The following RUNX2 variants were observed in gnomAD, a reference collection of about 807,000 sequenced individuals.
The protein encoded by RUNX2 is RUNX family transcription factor 2, also known as runt-related transcription factor 2.
Under a neutral mutation model 51.7 loss-of-function variants are expected in RUNX2, and 10 were observed. The ratio of observed to expected loss-of-function variants is 0.19; its 90% CI spans 0.12 to 0.33. The LOEUF (loss-of-function observed/expected upper bound fraction) is 0.33. RUNX2 is among the 10% of genes least tolerant of loss of function. The pLI, the probability that RUNX2 is intolerant of heterozygous loss-of-function variation, is 1.00. For synonymous variants in RUNX2, 276 were observed against 273.6 expected (o/e 1.01, Z -0.09); for missense variants, 562 against 691.3 (o/e 0.81, Z 2.10).
chr6:45,346,110 A>G (rs578128518), intron 2 of RUNX2, among the ~76,000 whole-genome samples: 2 of 152,106 alleles, frequency 1.3e-5, no homozygotes, highest in Non-Finnish European at 2.9e-5. Flanking sequence ...ATCCACCTCC[A>G]TATTCCTATA....
At chr6:45,480,940 G>T (rs1430033033) in intron 5 of RUNX2, among the ~76,000 whole-genome samples, 1 of 152,110 alleles carries the variant, frequency 6.6e-6, no homozygotes, top group Non-Finnish European at 1.5e-5. Flanking sequence ...TTTTTCTTTG[G>T]TTATTACTTT....
chr6:45,507,313 T>C (rs190563080), intron 6 of RUNX2, among the ~76,000 whole-genome samples: 68 of 152,326 alleles, frequency 4.5e-4, no homozygotes, highest in Non-Finnish European at 7.9e-4. Flanking sequence ...GTCTCAGAGC[T>C]AGGCCTTGTA....
intron 2 of RUNX2, among the ~76,000 whole-genome samples, chr6:45,376,399 A>G (rs1369884068): frequency 1.6e-4 from 24 of 152,208 alleles, no homozygotes; most frequent in Admixed American, 1.6e-3. Flanking sequence ...AGCTACCACT[A>G]GCCACATGTG....
chr6:45,420,292 G>T (rs1380047352), intron 2 of RUNX2, among the ~76,000 whole-genome samples: 1 of 152,132 alleles, frequency 6.6e-6, no homozygotes, highest in Non-Finnish European at 1.5e-5. Flanking sequence ...CCCATCTTCC[G>T]TGCCCCTCAT....
At position 45,537,828 on chromosome 6, in the gene RUNX2, G is replaced by A. The variant is rs184238448; in HGVS notation, c.1022-7389G>A. Reference sequence around the variant, plus strand: ...GCTGCGCAGATTTTTCCACGGGAGCGCCTCAAAGGGCAGAGGAAACTCAAG... The same window carrying A: ...GCTGCGCAGATTTTTCCACGGGAGCACCTCAAAGGGCAGAGGAAACTCAAG... On this transcript the variant is annotated intron_variant, in intron 7 of 8. Transcript: ENST00000647337. Among the ~76,000 whole-genome samples the A allele has an allele frequency of 4.1e-3, 629 of 152,192 alleles. 2 individuals are homozygous for A. Among genetic ancestry groups the A allele is most frequent in the Non-Finnish European group, 6.1e-3 (416 of 68,002 alleles).
chr6:45,536,074 C>T (rs1309906150), intron 7 of RUNX2, among the ~76,000 whole-genome samples: 2 of 151,608 alleles, frequency 1.3e-5, no homozygotes, highest in Non-Finnish European at 1.5e-5. Context: ...TCCCGAGGAA[C>T]CAGAAAGTCA....
chr6:45,522,472 C>T (rs1801536427), intron 7 of RUNX2, among the ~76,000 whole-genome samples: 1 of 152,060 alleles, frequency 6.6e-6, no homozygotes, highest in Admixed American at 6.6e-5. Flanking sequence ...TCAGATTATA[C>T]TTTCACTCCG....
intron 5 of RUNX2, among the ~76,000 whole-genome samples, chr6:45,487,473 A>G (rs569550724): frequency 6.6e-6 from 1 of 152,348 alleles, no homozygotes; most frequent in East Asian, 1.9e-4. Context: ...AATTACAGTG[A>G]AAGTGAATAG....
chr6:45,513,829 C>A (rs970529448), intron 7 of RUNX2, among the ~76,000 whole-genome samples: 1 of 152,140 alleles, frequency 6.6e-6, no homozygotes, highest in Non-Finnish European at 1.5e-5. Flanking sequence ...ATCACCGTCG[C>A]CTTCAGGCAA....
intron 7 of RUNX2, among the ~76,000 whole-genome samples, chr6:45,542,508 G>A (rs898825552): frequency 1.3e-5 from 2 of 152,152 alleles, no homozygotes; most frequent in African/African-American, 4.8e-5. Flanking sequence ...AAGCCAGCAG[G>A]TCCTAAGGGG....
At chr6:45,469,455 A>C (rs1050921949) in intron 5 of RUNX2, among the ~76,000 whole-genome samples, 10 of 152,254 alleles carry the variant, frequency 6.6e-5, no homozygotes, top group African/African-American at 2.4e-4. Context: ...AATATCAGAA[A>C]AGCACATAGC....
At chr6:45,409,302 A>G (rs1797902382) in intron 2 of RUNX2, among the ~76,000 whole-genome samples, 2 of 152,156 alleles carry the variant, frequency 1.3e-5, no homozygotes, top group Non-Finnish European at 2.9e-5. Flanking sequence ...AGACTGAAAG[A>G]TGGGAAGTAC....
rs1170546653 is a variant in RUNX2 at position 45,547,383 on chromosome 6, CATAT to C, written c.*83_*86del. Reference sequence around the variant, plus strand: ...AATATATACATATATAGAGAGAGTGCATATATATGTATATCGATTAGCTATCTAC... The same window carrying C: ...AATATATACATATATAGAGAGAGTGCATATGTATATCGATTAGCTATCTAC... On this transcript the variant is annotated 3_prime_UTR_variant, in exon 9 of 9. Transcript: ENST00000647337. 34 of 1,136,042 alleles carry C rather than the reference CATAT, an allele frequency of 3.0e-5. No individual in the cohort carries two copies. The highest frequency in any genetic ancestry group is 4.4e-5 in the Non-Finnish European group (33 of 751,366). 70.4% of individuals were successfully genotyped at this position (1,136,042 alleles called of 1,614,324 possible).
At chr6:45,524,185 C>A (rs1232097305) in intron 7 of RUNX2, among the ~76,000 whole-genome samples, 1 of 152,114 alleles carries the variant, frequency 6.6e-6, no homozygotes, top group Non-Finnish European at 1.5e-5. Flanking sequence ...TGGTCTGAGG[C>A]AAATCTAGGA....
In RUNX2 at chr6:45,550,458, C is replaced by T. The variant is rs1250498032; in HGVS notation, c.*3153C>T. 6.6e-6 allele frequency: 1 copy of T among 152,274 alleles called. No homozygotes were observed. The highest frequency in any genetic ancestry group is 2.4e-5 in the African/African-American group (1 of 41,432). 9.4% of individuals were successfully genotyped at this position (152,274 alleles called of 1,614,324 possible). A position where few individuals can be genotyped will look rare whatever the true frequency, so the allele number is the denominator to read the frequency against. On this transcript the variant is annotated 3_prime_UTR_variant, in exon 9 of 9. Transcript: ENST00000647337. ...GTGTGTACAGCTTTAAGGATTCCCT[C>T]AATTCCGAGGAAAGGGACTGGCCCA... is the stretch of plus-strand genomic sequence containing the variant.
At chr6:45,328,877 C>A in intron 2 of RUNX2, 93 bp downstream of exon 2, 1 of 1,292,578 alleles carries the variant, frequency 7.7e-7, no homozygotes, top group Non-Finnish European at 1.1e-6. Flanking sequence ...TTCCAAATAG[C>A]ATATTAAAGA....
At chr6:45,457,840 G>C (rs1262995765) in intron 5 of RUNX2, among the ~76,000 whole-genome samples, 1 of 152,096 alleles carries the variant, frequency 6.6e-6, no homozygotes, top group Admixed American at 6.5e-5. Flanking sequence ...AAAACATAGA[G>C]GCCCAGTCAG....
chr6:45,514,783 G>A (rs1801268027), intron 7 of RUNX2, among the ~76,000 whole-genome samples: 1 of 152,120 alleles, frequency 6.6e-6, no homozygotes, highest in Admixed American at 6.5e-5. Flanking sequence ...AGTCCTGGGA[G>A]CCTTCTTGGG....
rs1582233358 is a variant in RUNX2 at position 45,547,610 on chromosome 6, T to A, written c.*305T>A. 4.9e-6 allele frequency: 2 copies of A among 409,404 alleles called. No homozygotes were observed. The highest frequency in any genetic ancestry group is 4.6e-6 in the Non-Finnish European group (1 of 218,548). The allele number at this position is 409,404 out of a possible 1,614,324, so 25.4% of individuals were successfully genotyped here. A position where few individuals can be genotyped will look rare whatever the true frequency, so the allele number is the denominator to read the frequency against. ...ATTTTTGTTTTTGTTGTTTGGTCTG[T>A]TATCATCAATAACCTGTTCATATGC... On this transcript the variant is annotated 3_prime_UTR_variant, in exon 9 of 9. Coordinates refer to ENST00000647337, the MANE Select transcript of RUNX2 (RefSeq NM_001024630.4).
Sources: allele counts gnomAD v4.1 joint callset (sites outside exome capture counted in the v4.1 genomes callset), GRCh38; gene constraint gnomAD v4.1.1; transcripts MANE v1.5; gene names NCBI Gene and HGNC (gene_info 2026-07-23, HGNC 2026-07-21).